The following ZDHHC14 variants were observed in gnomAD, a reference collection of about 807,000 sequenced individuals.
ZDHHC14 encodes the protein palmitoyltransferase ZDHHC14.
Under a neutral mutation model 47.7 loss-of-function variants are expected in ZDHHC14, and 16 were observed. The ratio of observed to expected loss-of-function variants is 0.34; its 90% CI spans 0.23 to 0.51. ZDHHC14 has a LOEUF of 0.51. Ranked by LOEUF, ZDHHC14 falls within the 20% of genes least tolerant of loss-of-function variation. The pLI, the probability that ZDHHC14 is intolerant of heterozygous loss-of-function variation, is 0.97. For synonymous variants in ZDHHC14, 293 were observed against 278.9 expected (o/e 1.05, Z -0.50); for missense variants, 515 against 662.5 (o/e 0.78, Z 2.44).
chr6:157,570,188 C>A (rs987463072), intron 2 of ZDHHC14, among the ~76,000 whole-genome samples: 1 of 152,184 alleles, frequency 6.6e-6, no homozygotes, highest in Non-Finnish European at 1.5e-5. Context: ...TTTGCTAATG[C>A]TCTCAATATT....
At chr6:157,384,671 A>G (rs1343200836) in intron 1 of ZDHHC14, among the ~76,000 whole-genome samples, 1 of 152,268 alleles carries the variant, frequency 6.6e-6, no homozygotes, top group East Asian at 1.9e-4. Context: ...GCTACAGAAT[A>G]TTATGGTTTA....
chr6:157,391,807 G>C (rs564679832), intron 1 of ZDHHC14, among the ~76,000 whole-genome samples: 1 of 152,190 alleles, frequency 6.6e-6, no homozygotes, highest in African/African-American at 2.4e-5. Context: ...AATCTGGCTT[G>C]TTCTCATTGT....
At chr6:157,473,687 G>C (rs1779409278) in intron 1 of ZDHHC14, among the ~76,000 whole-genome samples, 1 of 152,156 alleles carries the variant, frequency 6.6e-6, no homozygotes, top group Non-Finnish European at 1.5e-5. Context: ...GTGCCAACAT[G>C]ACACCAAAAA....
intron 1 of ZDHHC14, among the ~76,000 whole-genome samples, chr6:157,465,284 G>C (rs900348405): frequency 1.3e-5 from 2 of 152,034 alleles, no homozygotes; most frequent in African/African-American, 4.8e-5. Context: ...AAACCAAGTA[G>C]AGTACATTTA....
At chr6:157,435,948 G>A (rs1778432724) in intron 1 of ZDHHC14, among the ~76,000 whole-genome samples, 1 of 152,178 alleles carries the variant, frequency 6.6e-6, no homozygotes. Context: ...GGGCTGGGGT[G>A]GGTAGGGGCA....
chr6:157,531,561 C>T (rs1781368823), intron 1 of ZDHHC14, among the ~76,000 whole-genome samples: 1 of 152,124 alleles, frequency 6.6e-6, no homozygotes, highest in Non-Finnish European at 1.5e-5. Flanking sequence ...TCCACACTTG[C>T]TCTTTTGTTT....
chr6:157,435,209 G>T (rs1212249061), intron 1 of ZDHHC14, among the ~76,000 whole-genome samples: 1 of 152,256 alleles, frequency 6.6e-6, no homozygotes, highest in Non-Finnish European at 1.5e-5. Context: ...TCACTGGGAA[G>T]AAGCAGGACT....
At chr6:157,500,718 C>T (rs1182146309) in intron 1 of ZDHHC14, among the ~76,000 whole-genome samples, 1 of 152,128 alleles carries the variant, frequency 6.6e-6, no homozygotes, top group African/African-American at 2.4e-5. Flanking sequence ...CAGACATGGT[C>T]CATCGTGGTG....
intron 2 of ZDHHC14, among the ~76,000 whole-genome samples, chr6:157,555,217 T>A (rs1782409621): frequency 6.6e-6 from 1 of 152,206 alleles, no homozygotes; most frequent in South Asian, 2.1e-4. Flanking sequence ...GAGGTTTTCG[T>A]ATCTTACATA....
chr6:157,666,552 A>G (rs1284978178), intron 8 of ZDHHC14, among the ~76,000 whole-genome samples: 5 of 152,246 alleles, frequency 3.3e-5, no homozygotes, highest in Admixed American at 2.6e-4. Context: ...ATAAGCATTC[A>G]TAAGACCCCA....
At chr6:157,590,499 C>T (rs1208215855) in intron 2 of ZDHHC14, among the ~76,000 whole-genome samples, 1 of 152,188 alleles carries the variant, frequency 6.6e-6, no homozygotes, top group African/African-American at 2.4e-5. Flanking sequence ...TTGGTAGCTT[C>T]CATGTGGTGT....
chr6:157,631,986 A>C (rs1785762040), intron 4 of ZDHHC14: 1 of 151,990 alleles, frequency 6.6e-6, no homozygotes. Flanking sequence ...GAGCCAAGCC[A>C]CTCTTCACCC....
chr6:157,488,862 G>A (rs1468314922), intron 1 of ZDHHC14, among the ~76,000 whole-genome samples: 5 of 152,194 alleles, frequency 3.3e-5, no homozygotes, highest in Admixed American at 6.5e-5. Context: ...ATTCTGAGCC[G>A]CGGTGTGGAG....
intron 5 of ZDHHC14, among the ~76,000 whole-genome samples, chr6:157,635,533 C>T (rs959575171): frequency 6.6e-6 from 1 of 152,214 alleles, no homozygotes; most frequent in Non-Finnish European, 1.5e-5. Flanking sequence ...GATATGCTGA[C>T]AAAGTCAGTT....
At chr6:157,451,236 T>C (rs1778796591) in intron 1 of ZDHHC14, among the ~76,000 whole-genome samples, 1 of 152,234 alleles carries the variant, frequency 6.6e-6, no homozygotes, top group Non-Finnish European at 1.5e-5. Flanking sequence ...CACAAATCAA[T>C]ATCAGAAATA....
chr6:157,485,017 A>G (rs1419850866), intron 1 of ZDHHC14, among the ~76,000 whole-genome samples: 1 of 152,206 alleles, frequency 6.6e-6, no homozygotes, highest in Non-Finnish European at 1.5e-5. Context: ...GAAGCGCTTG[A>G]ACCTGGGAGG....
In ZDHHC14 at chr6:157,502,091, C is replaced by T. The variant is rs1780206473; in HGVS notation, c.246-40494C>T. Among the ~76,000 whole-genome samples, 1 of 152,140 alleles carries T rather than the reference C, an allele frequency of 6.6e-6. No homozygotes were observed. The highest frequency in any genetic ancestry group is 2.4e-5 in the African/African-American group (1 of 41,436). ...CAGTCTTGAAGTGTTCTTCTTGCTG[C>T]AATTGAGAAGTTAATTGAATCTCAG... is the stretch of plus-strand genomic sequence containing the variant. On this transcript the variant is annotated intron_variant, in intron 1 of 8. Coordinates refer to ENST00000359775, the MANE Select transcript of ZDHHC14 (RefSeq NM_024630.3). The surrounding 1 kb of genome is among the most constrained non-coding windows in gnomAD (Gnocchi z 4.0).
intron 5 of ZDHHC14, among the ~76,000 whole-genome samples, chr6:157,642,510 C>T (rs1777303374): frequency 6.6e-6 from 1 of 152,198 alleles, no homozygotes; most frequent in Admixed American, 6.5e-5. Flanking sequence ...CAGTGTGCAA[C>T]CTCTTAGGCT....
intron 1 of ZDHHC14, among the ~76,000 whole-genome samples, chr6:157,418,850 A>G (rs902303223): frequency 2.0e-5 from 3 of 152,218 alleles, no homozygotes; most frequent in African/African-American, 7.2e-5. Flanking sequence ...CCCCACACAT[A>G]TGTCCAAGAT....
Sources: gnomAD v4.1 joint callset for allele counts (sites outside exome capture counted in the v4.1 genomes callset) on GRCh38, gnomAD v4.1.1 for gene constraint, Gnocchi (gnomAD v3.1) non-coding constraint, MANE v1.5 for transcripts, NCBI Gene and HGNC (gene_info 2026-07-23, HGNC 2026-07-21) for gene names.